Variants in NCKAP5L observed in about 807,000 individuals in gnomAD.
NCKAP5L encodes the protein nck-associated protein 5-like.
In NCKAP5L, 54 loss-of-function variants were observed where a neutral mutation model predicts 103.2. That is an observed-to-expected ratio of 0.52 (90% CI 0.42 to 0.66). The LOEUF (loss-of-function observed/expected upper bound fraction) is 0.66, where lower values mean the gene tolerates loss of function less well. Among genes scored for constraint, NCKAP5L ranks in the 30% least tolerant of loss-of-function variants. NCKAP5L has a pLI of 0.00. For synonymous variants in NCKAP5L, 762 were observed against 748.6 expected (o/e 1.02, Z -0.29); for missense variants, 1,733 against 1,750.6 (o/e 0.99, Z 0.18).
In NCKAP5L at chr12:49,796,051, T is replaced by A. The variant is rs2603104; in HGVS notation, c.1809A>T (p.Val603=). 1.9e-6 allele frequency: 3 copies of A among 1,569,120 alleles called. No individual in the cohort carries two copies. The South Asian group carries it at 3.6e-5, about 19-fold the overall frequency. ...QAPEVLRSPG[V]PPSPCLPESY... ...ATTCTGGGAGGCAAGGACTGGGGGG[T>A]ACTCCAGGGCTTCTGAGGACCTCAG... is the stretch of plus-strand genomic sequence containing the variant. Residue 603 remains valine, a synonymous_variant, in exon 8 of 13, where the codon GTA becomes GTT. Coordinates refer to ENST00000335999, the MANE Select transcript of NCKAP5L (RefSeq NM_001037806.4).
chr12:49,791,845 C>G lies in NCKAP5L; in HGVS notation c.3999G>C (p.Gln1333His). Residue 1333 changes from glutamine to histidine, a missense_variant, in exon 13 of 13, where the codon CAG becomes CAC. Physicochemically the swap from Gln to His is conservative, Grantham distance 24. Coordinates refer to ENST00000335999, the MANE Select transcript of NCKAP5L (RefSeq NM_001037806.4). ...LYDSLSSCGS[Q>H]G The stretch of plus-strand genomic sequence containing the variant: ...CGTGGCGTGGCGCAGCCCCTCAGCC[C>G]TGACTCCCACAAGAGGACAGCGAGT... The G allele has an allele frequency of 2.5e-6, 4 of 1,602,498 alleles. No individual in the cohort carries two copies. The highest frequency in any genetic ancestry group is 3.4e-6 in the Non-Finnish European group (4 of 1,173,560).
chr12:49,820,822 T>C (rs1469271023), intron 1 of NCKAP5L, among the ~76,000 whole-genome samples: 1 of 152,172 alleles, frequency 6.6e-6, no homozygotes, highest in Non-Finnish European at 1.5e-5. Context: ...TTGTTTGTGA[T>C]CACAAACAGG....
chr12:49,796,016 T>A lies in NCKAP5L; in HGVS notation c.1844A>T (p.Tyr615Phe), dbSNP rs755940565. 1 of 1,548,580 alleles carries A rather than the reference T, an allele frequency of 6.5e-7. No individual in the cohort carries two copies. Among genetic ancestry groups the A allele is most frequent in the African/African-American group, 1.4e-5 (1 of 72,350 alleles). ...CAAACTCTTCTCTTGGGGGCTCCCA[T>A]AGGGGTACGATTCTGGGAGGCAAGG... ...PSPCLPESYPYGSPQEKSLDK... is the reference protein window; with the variant it reads ...PSPCLPESYPFGSPQEKSLDK... Residue 615 changes from tyrosine (Y) to phenylalanine (F), a missense_variant, in exon 8 of 13, where the codon TAT (tyrosine) becomes TTT (phenylalanine). Physicochemically the swap from Tyr to Phe is conservative, Grantham distance 22 (BLOSUM62 3). Transcript: ENST00000335999.
rs1945945993 is a variant in NCKAP5L, at chr12:49,792,140, AC to A, written c.3793-90del. 8.1e-7 allele frequency: 1 copy of A among 1,238,768 alleles called. No homozygotes were observed. The highest frequency in any genetic ancestry group is 2.4e-5 in the Admixed American group (1 of 41,846). The allele number at this position is 1,238,768 out of a possible 1,614,324, so 76.7% of individuals were successfully genotyped here. On this transcript the variant is annotated intron_variant, in intron 12 of 12. Transcript: ENST00000335999. The surrounding 1 kb of genome is among the most constrained non-coding windows in gnomAD (Gnocchi z 4.5). ...ACTGAGCTCTGAGGGGCGTCTGTGC[AC>A]CTGATGGGGGGCTGCTCCAGAGGGG...
chr12:49,812,445 G>A (rs185871174), intron 1 of NCKAP5L, among the ~76,000 whole-genome samples: 507 of 151,522 alleles, frequency 3.3e-3, no homozygotes, highest in Middle Eastern at 6.8e-3. Flanking sequence ...GTGCAGTGGC[G>A]TGATCTTGGC....
intron 6 of NCKAP5L, 35 bp from the exon 7 acceptor site, chr12:49,798,498 G>A (rs1163012456): frequency 6.6e-7 from 1 of 1,512,504 alleles, no homozygotes; most frequent in Admixed American, 2.0e-5. Flanking sequence ...CACAGTAGCT[G>A]TCTGACCCCA....
At position 49,796,829 on chromosome 12, in the gene NCKAP5L, G is replaced by A. The variant is rs766831691; in HGVS notation, c.1031C>T (p.Ala344Val). Residue 344 changes from alanine to valine, a missense_variant, in exon 8 of 13, where the codon GCC (alanine) becomes GTC (valine). Physicochemically the swap from Ala to Val is moderately conservative, Grantham distance 64. Transcript: ENST00000335999. ...DTESYLQAFL[A>V]GAAGPLNGDH... is the part of the protein sequence containing the mutation. ...CCCATTGAGTGGGCCTGCAGCCCCG[G>A]CCAGGAAGGCCTGTAGGTAAGACTC... 5 of 1,613,176 alleles carry A rather than the reference G, an allele frequency of 3.1e-6. No homozygotes were observed. The highest frequency in any genetic ancestry group is 1.1e-5 in the South Asian group (1 of 91,064).
At chr12:49,820,473 T>C (rs1369431372) in intron 1 of NCKAP5L, among the ~76,000 whole-genome samples, 1 of 152,090 alleles carries the variant, frequency 6.6e-6, no homozygotes, top group African/African-American at 2.4e-5. Context: ...CGTGCCATTA[T>C]GCCTGGCTAA....
At chr12:49,818,183 T>C (rs1398102188) in intron 1 of NCKAP5L, among the ~76,000 whole-genome samples, 1 of 150,632 alleles carries the variant, frequency 6.6e-6, no homozygotes, top group Admixed American at 6.6e-5. Flanking sequence ...ACTGTAAAAC[T>C]ACTAGGAGAA....
chr12:49,801,952 A>G lies in NCKAP5L; in HGVS notation c.247T>C (p.Cys83Arg). The G allele has an allele frequency of 3.1e-6, 5 of 1,613,228 alleles. No homozygotes were observed. Among genetic ancestry groups the G allele is most frequent in the Non-Finnish European group, 4.2e-6 (5 of 1,179,708 alleles). ...LLNQKDLREE[C>R]IKLKKRVFDL... ...AACACTCTCTTCTTCAGCTTGATGC[A>G]CTCCTCTCGCAGGTCCTGCCGCCCA... The change falls in exon 6 of 13, where the codon TGC (cysteine) becomes CGC (arginine). Residue 83 changes from cysteine (C) to arginine (R), a missense_variant. Physicochemically the swap from Cys to Arg is radical, Grantham distance 180. Coordinates refer to ENST00000335999, the MANE Select transcript of NCKAP5L (RefSeq NM_001037806.4).
intron 7 of NCKAP5L, among the ~76,000 whole-genome samples, 193 bp downstream of exon 7, chr12:49,798,157 C>T (rs1372047765): frequency 5.3e-5 from 8 of 152,226 alleles, no homozygotes; most frequent in African/African-American, 1.4e-4. Flanking sequence ...AAGTGTTAAC[C>T]ATGCCTCTTA....
intron 3 of NCKAP5L, 60 bp from the exon 4 acceptor site, chr12:49,803,225 G>T: frequency 6.4e-7 from 1 of 1,555,708 alleles, no homozygotes; most frequent in South Asian, 1.1e-5. Context: ...TCTTCCCCCA[G>T]GGCACATTCC....
In NCKAP5L at chr12:49,793,548, C is replaced by T. The variant is rs1022038025; in HGVS notation, c.3259-115G>A. 242 of 1,272,496 alleles carry T rather than the reference C, an allele frequency of 1.9e-4. 2 individuals carry two copies. Among genetic ancestry groups the T allele is most frequent in the Middle Eastern group, 3.9e-4 (2 of 5,124 alleles). 78.8% of individuals were successfully genotyped at this position (1,272,496 alleles called of 1,614,324 possible). A position where few individuals can be genotyped will look rare whatever the true frequency, so the allele number is the denominator to read the frequency against. Reference sequence around the variant, plus strand: ...CATATGAGAGTATGAGGATTAGGGCCCAGGAGTATGGATCTGAGAGCCCCT... The same window carrying T: ...CATATGAGAGTATGAGGATTAGGGCTCAGGAGTATGGATCTGAGAGCCCCT... On this transcript the variant is annotated intron_variant, in intron 9 of 12. Transcript: ENST00000335999.
At chr12:49,798,561 C>A in intron 6 of NCKAP5L, 98 bp from the exon 7 acceptor site, 1 of 999,534 alleles carries the variant, frequency 1.0e-6, no homozygotes. Context: ...CGCTCCTTCA[C>A]GGAGGACTCC....
intron 6 of NCKAP5L, 150 bp downstream of exon 6, chr12:49,801,698 G>A (rs1472408413): frequency 1.1e-6 from 1 of 928,206 alleles, no homozygotes. Context: ...CAAACCCAGG[G>A]GACTTGGGTA....
intron 6 of NCKAP5L, 74 bp downstream of exon 6, chr12:49,801,774 G>A: frequency 6.3e-7 from 1 of 1,577,468 alleles, no homozygotes; most frequent in Non-Finnish European, 8.7e-7. Context: ...CACGTGAGAA[G>A]ACAGTGATGG....
rs375380248 is a variant in NCKAP5L at position 49,803,136 on chromosome 12, G to C, written c.153C>G (p.Asn51Lys). 2 of 1,614,246 alleles carry C rather than the reference G, an allele frequency of 1.2e-6. No homozygotes were observed. The highest frequency in any genetic ancestry group is 1.7e-6 in the Non-Finnish European group (2 of 1,180,040). ...GCTCATAAGTCTCCCGCTGGTTTTC[G>C]TTGGCCTGGGCAAGTGCCGAGTTCT... ...EAENSALAQA[N>K]ENQRETYERC... The change falls in exon 4 of 13, where the codon AAC becomes AAG. Residue 51 changes from asparagine to lysine, a missense_variant. Transcript: ENST00000335999.
At chr12:49,822,458 G>T (rs997226507) in intron 1 of NCKAP5L, among the ~76,000 whole-genome samples, 1 of 152,070 alleles carries the variant, frequency 6.6e-6, no homozygotes, top group African/African-American at 2.4e-5. Flanking sequence ...ATATATTTGT[G>T]TGTATTTGGT....
At chr12:49,809,479 GT>G (rs1258564680) in intron 1 of NCKAP5L, among the ~76,000 whole-genome samples, 6 of 152,140 alleles carry the variant, frequency 3.9e-5, no homozygotes, top group African/African-American at 1.4e-4. Context: ...GGGACCAGGA[GT>G]GGGGGAGGGT....
Sources: allele counts gnomAD v4.1 joint callset (sites outside exome capture counted in the v4.1 genomes callset), GRCh38; gene constraint gnomAD v4.1.1; non-coding constraint Gnocchi (gnomAD v3.1); transcripts MANE v1.5; gene names NCBI Gene and HGNC (gene_info 2026-07-23, HGNC 2026-07-21).